Variants in SLC35E3 observed in about 807,000 individuals in gnomAD.
The protein encoded by SLC35E3 is bladder cancer-overexpressed gene 1 protein.
SLC35E3 carries 28 observed loss-of-function variants against 30.8 expected under a neutral mutation model. The ratio of observed to expected loss-of-function variants is 0.91; its 90% CI spans 0.67 to 1.25. The LOEUF (loss-of-function observed/expected upper bound fraction) is 1.25, where lower values mean the gene tolerates loss of function less well. Among genes scored for constraint, SLC35E3 ranks in the 50% most tolerant of loss-of-function variants. SLC35E3 has a pLI of 0.00. For missense variants in SLC35E3, 365 were observed against 375.4 expected (o/e 0.97, Z 0.23); for synonymous variants, 146 against 149.2 (o/e 0.98, Z 0.16).
intron 1 of SLC35E3, among the ~76,000 whole-genome samples, chr12:68,747,603 A>G (rs1878641769): frequency 6.6e-6 from 1 of 152,096 alleles, no homozygotes; most frequent in Admixed American, 6.5e-5. Flanking sequence ...ATTGTTTTAT[A>G]TTTATGCTTA....
rs1213302757 is a variant in SLC35E3 at position 68,774,226 on chromosome 12, C to G, written c.*9336C>G. 6.6e-6 allele frequency: 1 copy of G among 152,184 alleles called. No individual in the cohort carries two copies. The highest frequency in any genetic ancestry group is 1.5e-5 in the Non-Finnish European group (1 of 68,140). 9.4% of individuals were successfully genotyped at this position (152,184 alleles called of 1,614,324 possible). ...CCGAGGGAGGAGGATCATTTGAGCC[C>G]AGGAGTTTGAGACCAGCCTGGGCAA... On this transcript the variant is annotated 3_prime_UTR_variant, in exon 5 of 5. Coordinates refer to ENST00000398004, the MANE Select transcript of SLC35E3 (RefSeq NM_018656.5).
intron 2 of SLC35E3, among the ~76,000 whole-genome samples, chr12:68,749,595 G>A (rs1878716951): frequency 6.6e-6 from 1 of 152,186 alleles, no homozygotes; most frequent in South Asian, 2.1e-4. Context: ...GTACCCCAAG[G>A]TAGGAGGAAA....
chr12:68,750,705 C>A (rs1388737724), intron 2 of SLC35E3, among the ~76,000 whole-genome samples: 1 of 152,196 alleles, frequency 6.6e-6, no homozygotes, highest in Admixed American at 6.5e-5. Flanking sequence ...TGAGCACACA[C>A]CCTCTGTATC....
Position 68,775,598 on chromosome 12 carries a change from G to A in SLC35E3, c.*10708G>A, listed in dbSNP as rs1459642285. On this transcript the variant is annotated 3_prime_UTR_variant, in exon 5 of 5. Transcript: ENST00000398004. ...CATCTCTCAATATTGCCACATTGGG[G>A]ATGTTTCCAGATGAGTTTTGGAGGA... The A allele has an allele frequency of 6.6e-6, 1 of 152,188 alleles. No homozygotes were observed. The highest frequency in any genetic ancestry group is 6.5e-5 in the Admixed American group (1 of 15,280). The allele number at this position is 152,188 out of a possible 1,614,324, so 9.4% of individuals were successfully genotyped here.
Position 68,766,939 on chromosome 12 carries a change from G to A in SLC35E3, c.*2049G>A, listed in dbSNP as rs912333068. 3.7e-6 allele frequency: 1 copy of A among 267,686 alleles called. No individual in the cohort carries two copies. Among genetic ancestry groups the A allele is most frequent in the South Asian group, 2.9e-5 (1 of 34,024 alleles). The allele number at this position is 267,686 out of a possible 1,614,324, so 16.6% of individuals were successfully genotyped here. On this transcript the variant is annotated 3_prime_UTR_variant, in exon 5 of 5. Coordinates refer to ENST00000398004, the MANE Select transcript of SLC35E3 (RefSeq NM_018656.5). The stretch of plus-strand genomic sequence containing the variant: ...CTATTGCCTAGCCCGTACATTTGAG[G>A]CTTCCATGGAGCTTTCTGTGGTACT...
Position 68,776,793 on chromosome 12 carries a change from A to G in SLC35E3, c.*11903A>G, listed in dbSNP as rs1452329157. The G allele has an allele frequency of 6.6e-6, 1 of 152,086 alleles. No individual in the cohort carries two copies. Among genetic ancestry groups the G allele is most frequent in the Non-Finnish European group, 1.5e-5 (1 of 68,048 alleles). 9.4% of individuals were successfully genotyped at this position (152,086 alleles called of 1,614,324 possible). ...GACAGGGACTGGTCTGGTGGCATGT[A>G]GATTCATAAATGGCGTCCAAACCTG... On this transcript the variant is annotated 3_prime_UTR_variant, in exon 5 of 5. Transcript: ENST00000398004.
intron 3 of SLC35E3, among the ~76,000 whole-genome samples, chr12:68,755,399 C>T (rs1878963863): frequency 6.6e-6 from 1 of 152,074 alleles, no homozygotes; most frequent in African/African-American, 2.4e-5. Context: ...CCTATATAGC[C>T]CTTAGTCTGT....
Position 68,765,809 on chromosome 12 carries a change from G to C in SLC35E3, c.*919G>C, listed in dbSNP as rs990762823. On this transcript the variant is annotated 3_prime_UTR_variant, in exon 5 of 5. Transcript: ENST00000398004. ...CCCAGCAAAGTATATGAAAATTAAA[G>C]TTCTGTGATAATGACAAAGGAATTG... The C allele has an allele frequency of 2.0e-5, 3 of 150,976 alleles. No homozygotes were observed. The highest frequency in any genetic ancestry group is 7.3e-5 in the African/African-American group (3 of 41,012). The allele number at this position is 150,976 out of a possible 1,614,324, so 9.4% of individuals were successfully genotyped here.
intron 3 of SLC35E3, among the ~76,000 whole-genome samples, chr12:68,753,307 G>A (rs1279020148): frequency 6.6e-6 from 1 of 151,532 alleles, no homozygotes; most frequent in African/African-American, 2.4e-5. Flanking sequence ...AAATAAAAAA[G>A]CCAGGCATGG....
chr12:68,758,419 C>CA (rs149499640), intron 3 of SLC35E3, among the ~76,000 whole-genome samples: 4,823 of 141,954 alleles, frequency 0.034, 276 homozygotes, highest in African/African-American at 0.11. Context: ...AACTCCGTCT[C>CA]AAAAAAAAAA....
chr12:68,759,135 G>T, intron 3 of SLC35E3, 22 bp from the exon 4 acceptor site: 1 of 1,536,544 alleles, frequency 6.5e-7, no homozygotes. Context: ...TTGCATTAAT[G>T]GTTCTTTTGG....
intron 1 of SLC35E3, among the ~76,000 whole-genome samples, chr12:68,747,007 C>G (rs1878609208): frequency 6.6e-6 from 1 of 151,992 alleles, no homozygotes; most frequent in South Asian, 2.1e-4. Flanking sequence ...TGATGGAAAT[C>G]GTTAAATGCT....
intron 1 of SLC35E3, 43 bp downstream of exon 1, chr12:68,746,822 C>T (rs370606430): frequency 2.9e-5 from 44 of 1,521,306 alleles, no homozygotes; most frequent in Non-Finnish European, 3.6e-5. Flanking sequence ...TCCCGACCCA[C>T]CTCCTGCACT....
rs747047190 is a variant in SLC35E3 at position 68,776,212 on chromosome 12, C to CAAAAAAAAAA, written c.*11327_*11336dup. 54 of 30,930 alleles carry CAAAAAAAAAA rather than the reference C, an allele frequency of 1.7e-3. 10 individuals carry two copies. The highest frequency in any genetic ancestry group is 2.1e-3 in the Non-Finnish European group (38 of 17,804). 1.9% of individuals were successfully genotyped at this position (30,930 alleles called of 1,614,324 possible). A position where few individuals can be genotyped will look rare whatever the true frequency, so the allele number is the denominator to read the frequency against. ...GTGACAAGAGCAAAACTCTGTCTCA[C>CAAAAAAAAAA]AAAAAAAAAAAAAAGGCCAGGCATG... On this transcript the variant is annotated 3_prime_UTR_variant, in exon 5 of 5. Transcript: ENST00000398004.
chr12:68,766,095 C>T lies in SLC35E3; in HGVS notation c.*1205C>T, dbSNP rs990795646. 1.3e-5 allele frequency: 2 copies of T among 151,614 alleles called. No homozygotes were observed. Among genetic ancestry groups the T allele is most frequent in the East Asian group, 1.9e-4 (1 of 5,130 alleles). 9.4% of individuals were successfully genotyped at this position (151,614 alleles called of 1,614,324 possible). On this transcript the variant is annotated 3_prime_UTR_variant, in exon 5 of 5. Coordinates refer to ENST00000398004, the MANE Select transcript of SLC35E3 (RefSeq NM_018656.5). Reference sequence around the variant, plus strand: ...CCAATTCTAAAAGTATGATTTTTTTCTAGTAGAAAATTGATGTAAGAAATC... The same window carrying T: ...CCAATTCTAAAAGTATGATTTTTTTTTAGTAGAAAATTGATGTAAGAAATC...
At chr12:68,752,282 G>T (rs577876432) in intron 3 of SLC35E3, 92 bp downstream of exon 3, 6 of 1,168,156 alleles carry the variant, frequency 5.1e-6, no homozygotes, top group Non-Finnish European at 7.2e-6. Context: ...CACTATGTCC[G>T]ATCCATTCTC....
intron 3 of SLC35E3, among the ~76,000 whole-genome samples, chr12:68,758,769 T>A (rs1279351808): frequency 1.5e-5 from 2 of 134,230 alleles, no homozygotes; most frequent in East Asian, 2.4e-4. Flanking sequence ...TGAGATGGAG[T>A]CTTACTCTGT....
rs1248804090 is a variant in SLC35E3, at chr12:68,771,139, T to C, written c.*6249T>C. On this transcript the variant is annotated 3_prime_UTR_variant, in exon 5 of 5. Coordinates refer to ENST00000398004, the MANE Select transcript of SLC35E3 (RefSeq NM_018656.5). ...AAGTACAAAAATTAGCTGTGTGCGG[T>C]GGTGCATGCCTATAATCCCAGCTAC... 6.6e-6 allele frequency: 1 copy of C among 151,998 alleles called. No individual in the cohort carries two copies. The highest frequency in any genetic ancestry group is 1.5e-5 in the Non-Finnish European group (1 of 68,090). The allele number at this position is 151,998 out of a possible 1,614,324, so 9.4% of individuals were successfully genotyped here. A position where few individuals can be genotyped will look rare whatever the true frequency, so the allele number is the denominator to read the frequency against.
intron 3 of SLC35E3, among the ~76,000 whole-genome samples, chr12:68,754,960 G>A (rs1878949142): frequency 1.3e-5 from 2 of 152,100 alleles, no homozygotes; most frequent in Admixed American, 1.3e-4. Context: ...TGGACTGGGT[G>A]GCTTAAACAA....
Sources: gnomAD v4.1 joint callset for allele counts (sites outside exome capture counted in the v4.1 genomes callset) on GRCh38, gnomAD v4.1.1 for gene constraint, MANE v1.5 for transcripts, NCBI Gene and HGNC (gene_info 2026-07-23, HGNC 2026-07-21) for gene names.